RAB38: variants seen among roughly 807,000 people sequenced by gnomAD.
RAB38 encodes the protein ras-related protein Rab-38.
RAB38 carries 15 observed loss-of-function variants against 18.4 expected under a neutral mutation model. The ratio of observed to expected loss-of-function variants is 0.82; its 90% CI spans 0.55 to 1.26. RAB38 has a LOEUF of 1.26. Among genes scored for constraint, RAB38 ranks in the 50% most tolerant of loss-of-function variants. The pLI, the probability that RAB38 is intolerant of heterozygous loss-of-function variation, is 0.00. For synonymous variants in RAB38, 101 were observed against 104.4 expected, an observed-to-expected ratio of 0.97 and a Z score of 0.20; for missense variants, 294 against 267.4, an observed-to-expected ratio of 1.10 and a Z score of -0.69.
At chr11:88,076,984 G>GAAAAA in the RAB38 span, among the ~76,000 whole-genome samples, 1 of 63,672 alleles carries the variant, frequency 1.6e-5, no homozygotes, top group Non-Finnish European at 2.7e-5. Context: ...AAGAAAGAAA[G>GAAAAA]AAAGAAAAGA....
chr11:87,814,210 G>T, the RAB38 span, among the ~76,000 whole-genome samples: 1 of 152,162 alleles, frequency 6.6e-6, no homozygotes, highest in South Asian at 2.1e-4. Context: ...AGAGACTAAA[G>T]CTTGGTAGGG....
chr11:88,104,453 G>A, the RAB38 span, among the ~76,000 whole-genome samples: 2 of 152,086 alleles, frequency 1.3e-5, no homozygotes, highest in Non-Finnish European at 2.9e-5. Context: ...TTTGAGTCAT[G>A]GTAAAACAAA....
intron 1 of RAB38, among the ~76,000 whole-genome samples, chr11:88,169,800 G>C (rs1329267688): frequency 6.6e-6 from 1 of 152,206 alleles, no homozygotes; most frequent in East Asian, 1.9e-4. Context: ...CACCATGAGA[G>C]TGTTCTGAAG....
the RAB38 span, among the ~76,000 whole-genome samples, chr11:88,030,840 T>C: frequency 1.3e-5 from 2 of 151,918 alleles, no homozygotes; most frequent in Non-Finnish European, 2.9e-5. Context: ...ACTATTCCAA[T>C]CAATAGAAAA....
the RAB38 span, among the ~76,000 whole-genome samples, chr11:87,900,873 G>C: frequency 6.6e-6 from 1 of 151,526 alleles, no homozygotes; most frequent in African/African-American, 2.4e-5. Context: ...TGGAAAAAAA[G>C]GCACCTAGTG....
At chr11:88,033,777 G>T in the RAB38 span, among the ~76,000 whole-genome samples, 1 of 134,328 alleles carries the variant, frequency 7.4e-6, no homozygotes, top group African/African-American at 2.7e-5. Context: ...GCCCAGGCTG[G>T]AGTACAGTGG....
the RAB38 span, among the ~76,000 whole-genome samples, chr11:87,844,204 A>G: frequency 3.3e-5 from 5 of 152,214 alleles, no homozygotes; most frequent in Non-Finnish European, 7.3e-5. Context: ...TATGAAATAA[A>G]TAGAGATTAC....
the RAB38 span, among the ~76,000 whole-genome samples, chr11:88,006,698 A>G: frequency 6.7e-6 from 1 of 150,198 alleles, no homozygotes; most frequent in Non-Finnish European, 1.5e-5. Context: ...TGTCATTTGT[A>G]GCAACATGGA....
the RAB38 span, among the ~76,000 whole-genome samples, chr11:87,961,186 A>G: frequency 6.6e-6 from 1 of 152,138 alleles, no homozygotes; most frequent in South Asian, 2.1e-4. Flanking sequence ...GCTGGGCTGA[A>G]GCAGTTGTGG....
the RAB38 span, among the ~76,000 whole-genome samples, chr11:87,916,980 A>C: frequency 1.3e-5 from 2 of 152,162 alleles, no homozygotes; most frequent in African/African-American, 4.8e-5. Context: ...AGGGGTTAGC[A>C]TACCTCACAG....
the RAB38 span, among the ~76,000 whole-genome samples, chr11:87,858,273 C>T: frequency 1.3e-5 from 2 of 152,044 alleles, no homozygotes; most frequent in African/African-American, 4.8e-5. Flanking sequence ...CCTACAATGC[C>T]GGGTGGAGCT....
intron 2 of RAB38, among the ~76,000 whole-genome samples, chr11:88,122,148 C>T (rs1453326977): frequency 1.3e-5 from 2 of 152,052 alleles, no homozygotes; most frequent in East Asian, 1.9e-4. Flanking sequence ...AACCTTAATA[C>T]GAGGCAGACA....
chr11:87,943,510 G>A, the RAB38 span, among the ~76,000 whole-genome samples: 4 of 152,206 alleles, frequency 2.6e-5, no homozygotes, highest in East Asian at 3.9e-4. Context: ...GCAAAGCTAT[G>A]AGAAACAAAT....
the RAB38 span, among the ~76,000 whole-genome samples, chr11:87,854,234 G>C: frequency 6.6e-6 from 1 of 152,094 alleles, no homozygotes; most frequent in Non-Finnish European, 1.5e-5. Context: ...GCCAAAGCTG[G>C]TAAATGAAGA....
chr11:87,933,925 T>C, the RAB38 span, among the ~76,000 whole-genome samples: 1 of 152,078 alleles, frequency 6.6e-6, no homozygotes, highest in Non-Finnish European at 1.5e-5. Flanking sequence ...ACCTGGAACA[T>C]GGCAGAAAGG....
the RAB38 span, among the ~76,000 whole-genome samples, chr11:87,928,777 G>A: frequency 0.23 from 34,205 of 151,880 alleles, 4,188 homozygotes; most frequent in South Asian, 0.36. Flanking sequence ...AAAAGAATAA[G>A]TAACACTAAA....
At chr11:88,163,080 G>C (rs1943206044) in intron 1 of RAB38, among the ~76,000 whole-genome samples, 1 of 152,074 alleles carries the variant, frequency 6.6e-6, no homozygotes, top group South Asian at 2.1e-4. Context: ...TCAACCATTT[G>C]ATCAGGCCCT....
chr11:87,948,685 T>A, the RAB38 span, among the ~76,000 whole-genome samples: 2 of 131,788 alleles, frequency 1.5e-5, no homozygotes, highest in Non-Finnish European at 3.2e-5. Flanking sequence ...TCTGTTTATA[T>A]GCTGGATTTA....
chr11:88,040,319 C>A, the RAB38 span, among the ~76,000 whole-genome samples: 1 of 152,168 alleles, frequency 6.6e-6, no homozygotes, highest in African/African-American at 2.4e-5. Context: ...ATGGCCTCTG[C>A]AGATATCTGT....
Sources: allele counts gnomAD v4.1 joint callset (sites outside exome capture counted in the v4.1 genomes callset), GRCh38; gene constraint gnomAD v4.1.1; transcripts MANE v1.5; gene names NCBI Gene and HGNC (gene_info 2026-07-23, HGNC 2026-07-21).